KIAA1958: variants seen among roughly 807,000 people sequenced by gnomAD.
The protein encoded by KIAA1958 is KIAA1958.
Under a neutral mutation model 47.2 loss-of-function variants are expected in KIAA1958, and 14 were observed. The observed-to-expected ratio is 0.30, with a 90% CI of 0.20 to 0.46. The LOEUF is 0.46. KIAA1958 is among the 20% of genes least tolerant of loss of function. The pLI is 1.00. For synonymous variants in KIAA1958, 354 were observed against 353.3 expected, an observed-to-expected ratio of 1.00 and a Z score of -0.02; for missense variants, 803 against 909.2, an observed-to-expected ratio of 0.88 and a Z score of 1.50.
At chr9:112,557,285 G>A (rs1835258953) in intron 1 of KIAA1958, among the ~76,000 whole-genome samples, 1 of 152,110 alleles carries the variant, frequency 6.6e-6, no homozygotes, top group African/African-American at 2.4e-5. Flanking sequence ...TGCCTTCTGT[G>A]TGTTAGGCTT....
At position 112,574,137 on chromosome 9, in the gene KIAA1958, C is replaced by A. The variant is rs565100542; in HGVS notation, c.57C>A (p.Ala19=). The part of the protein sequence containing the change: ...SENLSKLVSW[A]HSHGTICSLI... ...ATCTGTCCAAATTGGTCAGCTGGGCCCATAGCCATGGGACTATTTGCAGCC... is the reference window on the plus strand; with the variant it reads ...ATCTGTCCAAATTGGTCAGCTGGGCACATAGCCATGGGACTATTTGCAGCC... The change falls in exon 2 of 4, where the codon GCC becomes GCA. Residue 19 remains alanine, a synonymous_variant. Transcript: ENST00000337530. The A allele has an allele frequency of 6.2e-7, 1 of 1,613,332 alleles. No individual in the cohort carries two copies. Among genetic ancestry groups the A allele is most frequent in the East Asian group, 2.2e-5 (1 of 44,876 alleles).
chr9:112,594,559 C>T (rs958605392), intron 2 of KIAA1958, among the ~76,000 whole-genome samples: 12 of 152,206 alleles, frequency 7.9e-5, no homozygotes, highest in Non-Finnish European at 1.3e-4. Flanking sequence ...ATCAGTACTT[C>T]ATTTCTTCTT....
chr9:112,626,837 C>A (rs374494532), intron 2 of KIAA1958, among the ~76,000 whole-genome samples: 3 of 140,162 alleles, frequency 2.1e-5, no homozygotes, highest in African/African-American at 5.2e-5. Flanking sequence ...AAAAAAAAAA[C>A]ACCTTGCCAA....
intron 1 of KIAA1958, among the ~76,000 whole-genome samples, chr9:112,488,912 T>A (rs1833915482): frequency 6.6e-6 from 1 of 152,230 alleles, no homozygotes; most frequent in Non-Finnish European, 1.5e-5. Flanking sequence ...ATTTTGTAAA[T>A]GCCTGGAGCG....
chr9:112,645,647 T>A lies in KIAA1958; in HGVS notation c.1172-3T>A. 1 of 1,568,746 alleles carries A rather than the reference T, an allele frequency of 6.4e-7. No homozygotes were observed. Among genetic ancestry groups the A allele is most frequent in the Non-Finnish European group, 8.7e-7 (1 of 1,146,968 alleles). On this transcript the variant is annotated splice_region_variant and splice_polypyrimidine_tract_variant and intron_variant, in intron 2 of 3. Coordinates refer to ENST00000337530, the MANE Select transcript of KIAA1958 (RefSeq NM_133465.4). ...TTAATGCTTTTATTGTTTTTATTTC[T>A]AGCTTATTCCACTAAGCTCAACAAA...
chr9:112,524,785 G>A (rs1029380329), intron 1 of KIAA1958, among the ~76,000 whole-genome samples: 1 of 152,124 alleles, frequency 6.6e-6, no homozygotes, highest in Non-Finnish European at 1.5e-5. Flanking sequence ...TGTAGAAGAG[G>A]ATTAGCAAGT....
At chr9:112,534,646 C>T (rs924476027) in intron 1 of KIAA1958, among the ~76,000 whole-genome samples, 3 of 151,684 alleles carry the variant, frequency 2.0e-5, no homozygotes, top group Admixed American at 1.3e-4. Context: ...CGGGTTCAAG[C>T]GATTCTCCTG....
chr9:112,628,980 A>G (rs777481199), intron 2 of KIAA1958, among the ~76,000 whole-genome samples: 9 of 152,182 alleles, frequency 5.9e-5, no homozygotes, highest in Non-Finnish European at 1.2e-4. Context: ...AGTGTTTTAG[A>G]TTCAACAGAT....
chr9:112,504,188 C>CA (rs1834194400), intron 1 of KIAA1958, among the ~76,000 whole-genome samples: 3 of 139,660 alleles, frequency 2.1e-5, no homozygotes, highest in Non-Finnish European at 4.7e-5. Flanking sequence ...TAGAGATTAT[C>CA]TTTTTTTTTT....
At chr9:112,501,819 A>G (rs1036402474) in intron 1 of KIAA1958, among the ~76,000 whole-genome samples, 19 of 152,244 alleles carry the variant, frequency 1.2e-4, no homozygotes, top group African/African-American at 4.3e-4. Context: ...CCTACTAAAA[A>G]TCACTCTTTC....
chr9:112,502,290 C>A (rs1274805699), intron 1 of KIAA1958, among the ~76,000 whole-genome samples: 1 of 152,140 alleles, frequency 6.6e-6, no homozygotes, highest in African/African-American at 2.4e-5. Flanking sequence ...TTATTTATTC[C>A]TTGTGCTTCT....
intron 2 of KIAA1958, among the ~76,000 whole-genome samples, chr9:112,628,872 T>C (rs1470273329): frequency 6.6e-6 from 1 of 152,236 alleles, no homozygotes; most frequent in East Asian, 1.9e-4. Flanking sequence ...TTTGCTAGGT[T>C]AATGCCATGG....
intron 2 of KIAA1958, among the ~76,000 whole-genome samples, chr9:112,620,776 A>G (rs377390372): frequency 2.6e-5 from 4 of 152,148 alleles, no homozygotes; most frequent in African/African-American, 9.7e-5. Flanking sequence ...TATGTAAGTC[A>G]TAGTTACTAA....
At chr9:112,525,172 A>G (rs903150075) in intron 1 of KIAA1958, among the ~76,000 whole-genome samples, 1 of 152,216 alleles carries the variant, frequency 6.6e-6, no homozygotes, top group African/African-American at 2.4e-5. Context: ...AACACATTGT[A>G]TTTAAGGCTT....
chr9:112,517,715 C>T (rs1010316264), intron 1 of KIAA1958, among the ~76,000 whole-genome samples: 1 of 152,084 alleles, frequency 6.6e-6, no homozygotes, highest in African/African-American at 2.4e-5. Context: ...CTAGACTTTA[C>T]ACAGAACTCT....
chr9:112,491,004 G>A (rs1833959443), intron 1 of KIAA1958, among the ~76,000 whole-genome samples: 1 of 152,202 alleles, frequency 6.6e-6, no homozygotes, highest in South Asian at 2.1e-4. Context: ...GTCGCACTCT[G>A]TCACCCACGC....
At chr9:112,524,794 G>C (rs1834611898) in intron 1 of KIAA1958, among the ~76,000 whole-genome samples, 1 of 152,168 alleles carries the variant, frequency 6.6e-6, no homozygotes, top group African/African-American at 2.4e-5. Flanking sequence ...GGATTAGCAA[G>C]TCTTTAATGA....
chr9:112,487,892 A>T (rs996127361), intron 1 of KIAA1958, among the ~76,000 whole-genome samples: 1 of 150,546 alleles, frequency 6.6e-6, no homozygotes, highest in Non-Finnish European at 1.5e-5. Flanking sequence ...TTGGGACTTT[A>T]AAAAAAATGA....
At chr9:112,504,223 A>G (rs1022077880) in intron 1 of KIAA1958, among the ~76,000 whole-genome samples, 35 of 151,288 alleles carry the variant, frequency 2.3e-4, no homozygotes, top group East Asian at 1.2e-3. Context: ...GTCTCACTCA[A>G]TCACCCAGGC....
Sources: allele counts gnomAD v4.1 joint callset (sites outside exome capture counted in the v4.1 genomes callset), GRCh38; gene constraint gnomAD v4.1.1; transcripts MANE v1.5; gene names NCBI Gene and HGNC (gene_info 2026-07-23, HGNC 2026-07-21).